Variants in TEX14 observed in about 807,000 individuals in gnomAD.
The protein encoded by TEX14 is inactive serine/threonine-protein kinase TEX14.
A neutral mutation model predicts 178.6 loss-of-function variants in TEX14; 168 were observed. That is an observed-to-expected ratio of 0.94 (90% confidence interval 0.83 to 1.07). The LOEUF (loss-of-function observed/expected upper bound fraction) is 1.07, where lower values mean the gene tolerates loss of function less well. Among genes scored for constraint, TEX14 ranks in the 50% least tolerant of loss-of-function variants. TEX14 has a pLI of 0.00. For missense variants in TEX14, 1,730 were observed against 1,753.6 expected (o/e 0.99, Z 0.24); for synonymous variants, 626 against 634.1 (o/e 0.99, Z 0.19).
chr17:58,672,231 T>C (rs1267233152), intron 1 of TEX14, among the ~76,000 whole-genome samples: 7 of 152,106 alleles, frequency 4.6e-5, no homozygotes, highest in Non-Finnish European at 7.4e-5. Context: ...GCGGCCTAGT[T>C]CCTAACAGGC....
At chr17:58,661,837 T>C (rs757397489) in intron 1 of TEX14, 4 of 460,882 alleles carry the variant, frequency 8.7e-6, no homozygotes, top group Non-Finnish European at 1.5e-5. Context: ...TTCCTAAAAT[T>C]GTAAAGTGGG....
intron 22 of TEX14, 36 bp from the exon 23 acceptor site, chr17:58,573,344 A>G: frequency 6.3e-7 from 1 of 1,597,400 alleles, no homozygotes; most frequent in Non-Finnish European, 8.5e-7. Flanking sequence ...TGATGAGAAG[A>G]TGACTAGAAA....
At chr17:58,643,545 T>C (rs2046621598) in intron 2 of TEX14, among the ~76,000 whole-genome samples, 1 of 145,390 alleles carries the variant, frequency 6.9e-6, no homozygotes. Flanking sequence ...TGGGGCAACA[T>C]AGTGAGACCC....
At chr17:58,664,547 G>C (rs1240833354) in intron 1 of TEX14, among the ~76,000 whole-genome samples, 1 of 152,170 alleles carries the variant, frequency 6.6e-6, no homozygotes, top group African/African-American at 2.4e-5. Context: ...AGCCACTGGG[G>C]ATACTAAGAG....
In TEX14 at chr17:58,577,476, A is replaced by AAT. The variant is rs199974154; in HGVS notation, c.3239-22_3239-21dup. ...CCTCACCTGAAAGAATAAAGTTAAA[A>AAT]ATATATATATATATTTTTTTTTACT... is the stretch of plus-strand genomic sequence containing the variant. On this transcript the variant is annotated intron_variant, in intron 20 of 31. Transcript: ENST00000349033. 1.2e-4 allele frequency: 112 copies of AAT among 959,310 alleles called. No homozygotes were observed. The highest frequency in any genetic ancestry group is 1.6e-4 in the African/African-American group (9 of 57,308). 59.4% of individuals were successfully genotyped at this position (959,310 alleles called of 1,614,324 possible).
intron 1 of TEX14, among the ~76,000 whole-genome samples, chr17:58,669,882 C>G (rs2047276394): frequency 6.6e-6 from 1 of 152,198 alleles, no homozygotes; most frequent in South Asian, 2.1e-4. Context: ...TTGCCCAAAG[C>G]CCTTCAATAC....
At chr17:58,616,092 C>A in intron 7 of TEX14, 83 bp downstream of exon 7, 2 of 1,449,716 alleles carry the variant, frequency 1.4e-6, no homozygotes, top group Non-Finnish European at 1.9e-6. Context: ...TGAGTAGAAA[C>A]TCCCCACACA....
At chr17:58,656,925 C>CAAAA (rs60626361) in intron 1 of TEX14, among the ~76,000 whole-genome samples, 222 of 79,284 alleles carry the variant, frequency 2.8e-3, no homozygotes, top group East Asian at 5.1e-3. Flanking sequence ...TCCCATCTCA[C>CAAAA]AAAAAAAAAA....
chr17:58,656,543 C>A (rs1327230913), intron 1 of TEX14, among the ~76,000 whole-genome samples: 2 of 151,864 alleles, frequency 1.3e-5, no homozygotes, highest in Admixed American at 6.6e-5. Flanking sequence ...ATCATGAGGT[C>A]GGGAGTTCGA....
intron 28 of TEX14, among the ~76,000 whole-genome samples, chr17:58,563,430 AAAT>A (rs1221627218): frequency 2.6e-5 from 4 of 151,882 alleles, no homozygotes; most frequent in Non-Finnish European, 4.4e-5. Context: ...AATGAAGTAA[AAAT>A]AAACAAACAA....
Position 58,670,056 on chromosome 17 carries a change from G to C in TEX14, c.-1-18054C>G, listed in dbSNP as rs138944408. On this transcript the variant is annotated intron_variant, in intron 1 of 31. Transcript: ENST00000349033. ...CTTTCCAGCCTCAGAGCCTTTGCCT[G>C]TGTAGTTCCCCTTGCTTAAAATGTT... Among the ~76,000 whole-genome samples, 140 of 152,288 alleles carry C rather than the reference G, an allele frequency of 9.2e-4. 1 individual carries two copies. The highest frequency in any genetic ancestry group is 3.3e-3 in the African/African-American group (137 of 41,572).
At chr17:58,573,414 G>A in intron 22 of TEX14, 106 bp from the exon 23 acceptor site, 2 of 1,016,924 alleles carry the variant, frequency 2.0e-6, no homozygotes, top group Non-Finnish European at 1.5e-6. Flanking sequence ...AAATTTGTAT[G>A]TGGCAATAGG....
chr17:58,649,462 G>A (rs903147132), intron 2 of TEX14, among the ~76,000 whole-genome samples: 1 of 152,004 alleles, frequency 6.6e-6, no homozygotes, highest in South Asian at 2.1e-4. Context: ...AGAATTTATC[G>A]CCCCTTATTC....
intron 3 of TEX14, among the ~76,000 whole-genome samples, chr17:58,626,953 G>A (rs765684850): frequency 2.2e-4 from 34 of 151,922 alleles, no homozygotes; most frequent in Non-Finnish European, 4.0e-4. Context: ...TTTTTTTCCC[G>A]GTACCTCTAT....
At chr17:58,618,251 G>C (rs1044848696) in intron 5 of TEX14, among the ~76,000 whole-genome samples, 4 of 152,206 alleles carry the variant, frequency 2.6e-5, no homozygotes, top group Admixed American at 6.5e-5. Context: ...TGCAGCAATA[G>C]ATAACAAATA....
chr17:58,611,889 C>T (rs746356916), intron 9 of TEX14, among the ~76,000 whole-genome samples: 3 of 152,084 alleles, frequency 2.0e-5, no homozygotes, highest in Non-Finnish European at 4.4e-5. Flanking sequence ...AAGGTAATAC[C>T]CTCACTCAAG....
chr17:58,662,097 G>T (rs1254968860), intron 1 of TEX14, among the ~76,000 whole-genome samples: 1 of 151,528 alleles, frequency 6.6e-6, no homozygotes, highest in Non-Finnish European at 1.5e-5. Flanking sequence ...TATGTATGAT[G>T]TAAAAAGTAC....
intron 1 of TEX14, chr17:58,679,673 C>T (rs993950649): frequency 2.6e-5 from 4 of 152,214 alleles, no homozygotes; most frequent in East Asian, 1.9e-4. Flanking sequence ...CATGTTATTT[C>T]CCTTGCCAGT....
intron 27 of TEX14, among the ~76,000 whole-genome samples, 198 bp from the exon 28 acceptor site, chr17:58,565,166 T>C (rs1598342299): frequency 6.6e-6 from 1 of 151,284 alleles, no homozygotes; most frequent in Non-Finnish European, 1.5e-5. Flanking sequence ...GCTTCTGGGG[T>C]CTTGGAAGCT....
Sources: gnomAD v4.1 joint callset for allele counts (sites outside exome capture counted in the v4.1 genomes callset) on GRCh38, gnomAD v4.1.1 for gene constraint, MANE v1.5 for transcripts, NCBI Gene and HGNC (gene_info 2026-07-23, HGNC 2026-07-21) for gene names.